The following RGL1 variants were observed in gnomAD, a reference collection of about 807,000 sequenced individuals.
RGL1 encodes the protein ral guanine nucleotide dissociation stimulator like 1.
In RGL1, 24 loss-of-function variants were observed where a neutral mutation model predicts 95.2. That is an observed-to-expected ratio of 0.25 (90% CI 0.18 to 0.35). The LOEUF is 0.35. Among genes scored for constraint, RGL1 ranks in the 10% least tolerant of loss-of-function variants. RGL1 has a pLI of 1.00. For synonymous variants in RGL1, 329 were observed against 344.9 expected, an observed-to-expected ratio of 0.95 and a Z score of 0.51; for missense variants, 715 against 936.3, an observed-to-expected ratio of 0.76 and a Z score of 3.08.
chr1:183,805,377 C>T, intron 1 of RGL1, 53 bp downstream of exon 1: 3 of 1,521,542 alleles, frequency 2.0e-6, no homozygotes, highest in Non-Finnish European at 2.7e-6. Context: ...GGAATCTTCT[C>T]CCGCTTTCGC....
At chr1:183,754,505 A>T (rs1658214373) in intron 2 of RGL1, 1 of 152,192 alleles carries the variant, frequency 6.6e-6, no homozygotes, top group Admixed American at 6.5e-5. Flanking sequence ...TCTCCATGTG[A>T]TAATTTAGGG....
chr1:183,794,147 T>A (rs12092728), intron 2 of RGL1, among the ~76,000 whole-genome samples: 26,967 of 151,820 alleles, frequency 0.18, 2,653 homozygotes, highest in African/African-American at 0.26. Flanking sequence ...GCAATGTGGA[T>A]GGAACTAGAG....
chr1:183,729,908 A>AAAAACTT, intron 1 of RGL1, among the ~76,000 whole-genome samples: 1 of 152,152 alleles, frequency 6.6e-6, no homozygotes. Context: ...TCTAGAAAAG[A>AAAAACTT]AAAACTTAAC....
intron 2 of RGL1, among the ~76,000 whole-genome samples, chr1:183,789,165 T>A (rs1186510949): frequency 1.3e-5 from 2 of 152,176 alleles, no homozygotes; most frequent in Non-Finnish European, 1.5e-5. Context: ...TTCTACCAGC[T>A]GGGCATGGTG....
At chr1:183,708,423 AT>A (rs1479125984) in intron 1 of RGL1, among the ~76,000 whole-genome samples, 2 of 152,322 alleles carry the variant, frequency 1.3e-5, no homozygotes, top group African/African-American at 4.8e-5. Context: ...TACCTCTTAT[AT>A]TAGAGAGTTT....
intron 14 of RGL1, among the ~76,000 whole-genome samples, chr1:183,910,679 T>G (rs1668596704): frequency 6.6e-6 from 1 of 152,214 alleles, no homozygotes; most frequent in African/African-American, 2.4e-5. Context: ...TTTGAGGATT[T>G]TCTTCAGATC....
At chr1:183,650,902 C>G (rs1441104609) in intron 1 of RGL1, among the ~76,000 whole-genome samples, 1 of 151,918 alleles carries the variant, frequency 6.6e-6, no homozygotes, top group East Asian at 1.9e-4. Context: ...AAGTTGAACA[C>G]TTTTTGACAT....
intron 1 of RGL1, among the ~76,000 whole-genome samples, chr1:183,723,143 C>T (rs533841465): frequency 2.5e-4 from 38 of 151,954 alleles, no homozygotes; most frequent in African/African-American, 7.7e-4. Context: ...GATAAAGATG[C>T]GTATTAAAAG....
intron 1 of RGL1, among the ~76,000 whole-genome samples, chr1:183,655,312 C>G (rs556221548): frequency 6.6e-6 from 1 of 152,314 alleles, no homozygotes; most frequent in Admixed American, 6.5e-5. Flanking sequence ...AGGCAACTTT[C>G]TCTTTGGGTG....
chr1:183,700,427 A>C (rs374338365), intron 1 of RGL1, among the ~76,000 whole-genome samples: 1,870 of 122,096 alleles, frequency 0.015, 48 homozygotes, highest in African/African-American at 0.047. Context: ...AGGTTTCAAT[A>C]ATCTTTTTTT....
chr1:183,736,682 G>T lies in RGL1; in HGVS notation c.-32-5444G>T, dbSNP rs571659484. Among the ~76,000 whole-genome samples, 344 of 152,316 alleles carry T rather than the reference G, an allele frequency of 2.3e-3. 2 individuals are homozygous for T. The highest frequency in any genetic ancestry group is 4.0e-3 in the Non-Finnish European group (275 of 68,018). On this transcript the variant is annotated intron_variant, in intron 1 of 18. Coordinates refer to the RGL1 transcript ENST00000304685. ...GAGGAAGAGAGAATGTAGGAGGAAA[G>T]AAATGGCAGAAAGACAAATAATCAT...
intron 2 of RGL1, among the ~76,000 whole-genome samples, chr1:183,763,354 T>C (rs1035237799): frequency 6.6e-6 from 1 of 152,146 alleles, no homozygotes; most frequent in Non-Finnish European, 1.5e-5. Context: ...AACCTGCACG[T>C]TCTGCACATG....
At chr1:183,704,660 G>A (rs545701591) in intron 1 of RGL1, among the ~76,000 whole-genome samples, 3 of 152,340 alleles carry the variant, frequency 2.0e-5, no homozygotes, top group Admixed American at 2.0e-4. Flanking sequence ...TCAGGTAAGA[G>A]TGTAGCCAGG....
chr1:183,673,696 T>C (rs1652632171), intron 1 of RGL1, among the ~76,000 whole-genome samples: 1 of 152,240 alleles, frequency 6.6e-6, no homozygotes. Context: ...AGTTTTTCTG[T>C]GTACTTACAT....
chr1:183,792,436 C>T (rs1390700781), intron 2 of RGL1, among the ~76,000 whole-genome samples: 1 of 151,976 alleles, frequency 6.6e-6, no homozygotes, highest in African/African-American at 2.4e-5. Context: ...TAATTTTCAC[C>T]ACTTTTATTC....
At chr1:183,717,953 G>T (rs1655730335) in intron 1 of RGL1, among the ~76,000 whole-genome samples, 1 of 152,126 alleles carries the variant, frequency 6.6e-6, no homozygotes, top group Admixed American at 6.6e-5. Flanking sequence ...CTGTTAAAAA[G>T]AGCTTGTTCA....
intron 12 of RGL1, among the ~76,000 whole-genome samples, chr1:183,903,257 G>A (rs1352197003): frequency 6.6e-6 from 1 of 152,116 alleles, no homozygotes; most frequent in Non-Finnish European, 1.5e-5. Context: ...ACTCGAGAGA[G>A]GAAAGGAAAT....
At chr1:183,788,721 C>A (rs1280706739) in intron 2 of RGL1, among the ~76,000 whole-genome samples, 2 of 152,194 alleles carry the variant, frequency 1.3e-5, no homozygotes, top group Non-Finnish European at 2.9e-5. Context: ...AAGGGACATA[C>A]ACACAGTATA....
chr1:183,924,546 C>T (rs760526417), intron 17 of RGL1, among the ~76,000 whole-genome samples: 3 of 152,008 alleles, frequency 2.0e-5, no homozygotes, highest in Non-Finnish European at 4.4e-5. Flanking sequence ...ATGGGTGCAG[C>T]AAGCCACCGT....
Sources: allele counts gnomAD v4.1 joint callset (sites outside exome capture counted in the v4.1 genomes callset), GRCh38; gene constraint gnomAD v4.1.1; transcripts MANE v1.5; gene names NCBI Gene and HGNC (gene_info 2026-07-23, HGNC 2026-07-21).